IFT20: variants seen among roughly 807,000 people sequenced by gnomAD.
IFT20 encodes intraflagellar transport protein 20 homolog.
Under a neutral mutation model 16.9 loss-of-function variants are expected in IFT20, and 4 were observed. The observed-to-expected ratio is 0.24, with a 90% confidence interval of 0.12 to 0.54. The LOEUF (loss-of-function observed/expected upper bound fraction) is 0.54. Ranked by LOEUF, IFT20 falls within the 20% of genes least tolerant of loss-of-function variation. The pLI, the probability that IFT20 is intolerant of heterozygous loss-of-function variation, is 0.95. For missense variants in IFT20, 154 were observed against 149.7 expected (o/e 1.03, Z -0.15); for synonymous variants, 48 against 49.9 (o/e 0.96, Z 0.16).
At position 28,330,583 on chromosome 17, in the gene IFT20, C is replaced by T. The variant is rs541492031; in HGVS notation, c.128-55G>A. ...TTTCCTTAGTATCATCACTCCCCTT[C>T]GGTAGAGTGCTAAGGCAGTGAGAGG... On this transcript the variant is annotated intron_variant, in intron 2 of 4. Coordinates refer to ENST00000395418, the MANE Select transcript of IFT20 (RefSeq NM_001267776.2). 3.1e-4 allele frequency: 363 copies of T among 1,178,946 alleles called. 2 individuals are homozygous for T. The South Asian group carries it at 4.3e-3, about 14-fold the overall frequency. 73.0% of individuals were successfully genotyped at this position (1,178,946 alleles called of 1,614,324 possible). A position where few individuals can be genotyped will look rare whatever the true frequency, so the allele number is the denominator to read the frequency against.
intron 3 of IFT20, 123 bp downstream of exon 3, chr17:28,330,320 T>G (rs782675946): frequency 2.8e-6 from 2 of 712,456 alleles, no homozygotes; most frequent in South Asian, 3.1e-5. Context: ...TATTAAAATC[T>G]TAAATAAAAA....
chr17:28,330,059 CAAAAA>C (rs782275350), intron 3 of IFT20: 98 of 403,134 alleles, frequency 2.4e-4, no homozygotes, highest in South Asian at 6.8e-4. Flanking sequence ...AACTCCGTCT[CAAAAA>C]AAAAAAAAAA....
intron 1 of IFT20, among the ~76,000 whole-genome samples, chr17:28,334,841 G>A (rs1195985175): frequency 2.0e-5 from 3 of 152,222 alleles, no homozygotes; most frequent in Non-Finnish European, 4.4e-5. Flanking sequence ...GGGGATAAGA[G>A]AAAAACAAGT....
At chr17:28,331,444 G>A (rs782024745) in intron 2 of IFT20, 17 of 168,628 alleles carry the variant, frequency 1.0e-4, no homozygotes, top group Non-Finnish European at 2.2e-4. Flanking sequence ...TAAGTCTGTT[G>A]AGCTGCTTCT....
chr17:28,331,763 G>A (rs1906798649), intron 2 of IFT20, 96 bp downstream of exon 2: 1 of 1,516,904 alleles, frequency 6.6e-7, no homozygotes, highest in African/African-American at 1.4e-5. Context: ...CCTCCAGGGA[G>A]CCAGCAGCTC....
chr17:28,328,841 G>T, intron 4 of IFT20, 108 bp from the exon 5 acceptor site: 1 of 776,054 alleles, frequency 1.3e-6, no homozygotes, highest in South Asian at 1.6e-5. Context: ...GAAATGGTGT[G>T]AGTTCAGAAT....
In IFT20 at chr17:28,332,328, G is replaced by A. The variant is rs1400130421; in HGVS notation, c.-2-341C>T. The A allele has an allele frequency of 1.9e-5, 18 of 926,754 alleles. No individual in the cohort carries two copies. The Admixed American group carries it at 4.1e-4, about 21-fold the overall frequency. The allele number at this position is 926,754 out of a possible 1,614,324, so 57.4% of individuals were successfully genotyped here. A position where few individuals can be genotyped will look rare whatever the true frequency, so the allele number is the denominator to read the frequency against. The stretch of plus-strand genomic sequence containing the variant: ...CTACATGCCAACACTGCTAGATGCT[G>A]GGGGTACAAAGATGAATGCAACACG... On this transcript the variant is annotated intron_variant, in intron 1 of 4. Coordinates refer to ENST00000395418, the MANE Select transcript of IFT20 (RefSeq NM_001267776.2).
In IFT20 at chr17:28,329,254, A is replaced by G. The variant is rs782555626; in HGVS notation, c.236T>C (p.Leu79Pro). 1.9e-6 allele frequency: 3 copies of G among 1,613,994 alleles called. No individual in the cohort carries two copies. Among genetic ancestry groups the G allele is most frequent in the South Asian group, 2.2e-5 (2 of 91,064 alleles). ...TTCTCTCTGCTTTGCTATAGATTTG[A>G]GCAAGTTCCGAGCACCGATGGCCTA... ...KMKAIGARNL[L>P]KSIAKQREAQ... The change falls in exon 4 of 5, where the codon CTC becomes CCC. Residue 79 changes from leucine (L) to proline (P), a missense_variant. Coordinates refer to ENST00000395418, the MANE Select transcript of IFT20 (RefSeq NM_001267776.2).
At chr17:28,331,761 G>A (rs1458612443) in intron 2 of IFT20, 98 bp downstream of exon 2, 1 of 1,498,372 alleles carries the variant, frequency 6.7e-7, no homozygotes. Context: ...AACCTCCAGG[G>A]AGCCAGCAGC....
chr17:28,330,877 C>T (rs1388480581), intron 2 of IFT20, among the ~76,000 whole-genome samples: 1 of 152,200 alleles, frequency 6.6e-6, no homozygotes. Flanking sequence ...GCCAGCTGGA[C>T]CAGGGCATAC....
At chr17:28,335,023 G>A (rs1309452331) in intron 1 of IFT20, among the ~76,000 whole-genome samples, 6 of 152,172 alleles carry the variant, frequency 3.9e-5, no homozygotes, top group South Asian at 2.1e-4. Flanking sequence ...CAAGAGCTGG[G>A]ACTAAGCTCC....
chr17:28,331,817 G>T, intron 2 of IFT20, 42 bp downstream of exon 2: 1 of 1,611,814 alleles, frequency 6.2e-7, no homozygotes, highest in South Asian at 1.1e-5. Context: ...AGTTGAAATG[G>T]CAGCTCAAAG....
chr17:28,334,772 G>A (rs552398160), intron 1 of IFT20, among the ~76,000 whole-genome samples: 13 of 152,370 alleles, frequency 8.5e-5, no homozygotes, highest in African/African-American at 3.1e-4. Flanking sequence ...TCCGAGTTGA[G>A]ATGTTTTGTA....
chr17:28,331,356 C>G (rs1325897715), intron 2 of IFT20: 1 of 159,760 alleles, frequency 6.3e-6, no homozygotes, highest in Non-Finnish European at 1.4e-5. Context: ...CTAGATCTGG[C>G]TCTGTACGGG....
chr17:28,332,136 T>C, intron 1 of IFT20, 149 bp from the exon 2 acceptor site: 2 of 1,556,098 alleles, frequency 1.3e-6, no homozygotes, highest in Middle Eastern at 1.7e-4. Context: ...ACCACCTCTC[T>C]GAGCCTCACC....
At chr17:28,335,033 C>T (rs1164807160) in intron 1 of IFT20, among the ~76,000 whole-genome samples, 2 of 152,182 alleles carry the variant, frequency 1.3e-5, no homozygotes, top group Admixed American at 6.5e-5. Flanking sequence ...GACTAAGCTC[C>T]CTGAGCATGA....
At chr17:28,332,027 C>T (rs1906822036) in intron 1 of IFT20, 40 bp from the exon 2 acceptor site, 1 of 1,613,434 alleles carries the variant, frequency 6.2e-7, no homozygotes, top group Non-Finnish European at 8.5e-7. Flanking sequence ...ACTTCCCAGC[C>T]ACCCAAGGAA....
At chr17:28,334,227 G>A (rs983707538) in intron 1 of IFT20, among the ~76,000 whole-genome samples, 6 of 152,208 alleles carry the variant, frequency 3.9e-5, no homozygotes, top group South Asian at 2.1e-4. Context: ...ATGGGGGGCG[G>A]ACTTGGAGGG....
At chr17:28,334,349 G>C (rs902557496) in intron 1 of IFT20, among the ~76,000 whole-genome samples, 2 of 152,248 alleles carry the variant, frequency 1.3e-5, no homozygotes, top group Admixed American at 1.3e-4. Context: ...AAGGAAACAC[G>C]TATGTGAAGA....
Sources: gnomAD v4.1 joint callset for allele counts (sites outside exome capture counted in the v4.1 genomes callset) on GRCh38, gnomAD v4.1.1 for gene constraint, MANE v1.5 for transcripts, NCBI Gene and HGNC (gene_info 2026-07-23, HGNC 2026-07-21) for gene names.